The following PAPPA variants were observed in gnomAD, a reference collection of about 807,000 sequenced individuals.
The protein encoded by PAPPA is pappalysin 1.
PAPPA carries 60 observed loss-of-function variants against 164.0 expected under a neutral mutation model. The ratio of observed to expected loss-of-function variants is 0.37; its 90% CI spans 0.30 to 0.45. The LOEUF is 0.45. Ranked by LOEUF, PAPPA falls within the 20% of genes least tolerant of loss-of-function variation. PAPPA has a pLI of 1.00. For missense variants in PAPPA, 1,782 were observed against 2,087.3 expected (o/e 0.85, Z 2.85); for synonymous variants, 875 against 814.1 (o/e 1.07, Z -1.27).
chr9:116,253,103 A>G (rs1275202776), intron 7 of PAPPA, among the ~76,000 whole-genome samples: 4 of 152,132 alleles, frequency 2.6e-5, no homozygotes, highest in African/African-American at 9.7e-5. Context: ...ATGTGTGCTC[A>G]CTTTTGTAAT....
At chr9:116,383,291 G>A (rs919461077) in intron 21 of PAPPA, among the ~76,000 whole-genome samples, 2 of 152,188 alleles carry the variant, frequency 1.3e-5, no homozygotes, top group African/African-American at 2.4e-5. Context: ...TGTGATGAAT[G>A]AGTTAATGGA....
intron 4 of PAPPA, among the ~76,000 whole-genome samples, chr9:116,219,475 G>A (rs1310885884): frequency 1.3e-5 from 2 of 152,190 alleles, no homozygotes; most frequent in Non-Finnish European, 1.5e-5. Flanking sequence ...GAATGAGTTG[G>A]AACCAGTGAG....
intron 2 of PAPPA, among the ~76,000 whole-genome samples, chr9:116,192,172 C>G (rs1191316120): frequency 2.0e-5 from 3 of 152,114 alleles, no homozygotes; most frequent in African/African-American, 7.2e-5. Context: ...AACAAAGGAA[C>G]CTGTTGATGC....
At chr9:116,241,811 C>A (rs575908870) in intron 7 of PAPPA, among the ~76,000 whole-genome samples, 69 of 152,296 alleles carry the variant, frequency 4.5e-4, no homozygotes, top group African/African-American at 1.6e-3. Context: ...GGTGAAGGCA[C>A]AGGTGGCTCT....
intron 1 of PAPPA, among the ~76,000 whole-genome samples, chr9:116,157,934 A>G (rs1186162859): frequency 1.3e-5 from 2 of 152,156 alleles, no homozygotes; most frequent in African/African-American, 4.8e-5. Flanking sequence ...AAGGAAAACA[A>G]AAGACTCAAT....
At chr9:116,348,969 A>C (rs879855017) in intron 15 of PAPPA, among the ~76,000 whole-genome samples, 2 of 152,190 alleles carry the variant, frequency 1.3e-5, no homozygotes, top group Admixed American at 6.5e-5. Context: ...AATTTTAAAC[A>C]GGCAATAAAT....
At chr9:116,164,859 T>C in intron 1 of PAPPA, among the ~76,000 whole-genome samples, 1 of 152,130 alleles carries the variant, frequency 6.6e-6, no homozygotes, top group South Asian at 2.1e-4. Flanking sequence ...ACATAAAACA[T>C]TGATAAATGT....
chr9:116,396,397 G>C, intron 21 of PAPPA, 112 bp from the exon 22 acceptor site: 1 of 730,960 alleles, frequency 1.4e-6, no homozygotes, highest in South Asian at 1.5e-5. Context: ...GCCATAACTT[G>C]AACTTGAACC....
intron 5 of PAPPA, among the ~76,000 whole-genome samples, chr9:116,224,824 AC>A (rs1490765695): frequency 6.6e-6 from 1 of 152,124 alleles, no homozygotes; most frequent in Non-Finnish European, 1.5e-5. Flanking sequence ...TTTTCATGAA[AC>A]CCAAGTAAGA....
intron 8 of PAPPA, among the ~76,000 whole-genome samples, chr9:116,269,235 A>G (rs1845110189): frequency 6.6e-6 from 1 of 152,220 alleles, no homozygotes; most frequent in African/African-American, 2.4e-5. Flanking sequence ...CAATGAATAC[A>G]CAAAGAGATT....
chr9:116,278,202 A>C (rs1045428093), intron 9 of PAPPA, among the ~76,000 whole-genome samples: 2 of 152,218 alleles, frequency 1.3e-5, no homozygotes, highest in Admixed American at 6.5e-5. Flanking sequence ...TTTTCTGCTA[A>C]GAACTCTTTG....
At chr9:116,290,298 GT>G (rs1043865091) in intron 9 of PAPPA, among the ~76,000 whole-genome samples, 3 of 151,054 alleles carry the variant, frequency 2.0e-5, no homozygotes, top group Admixed American at 6.6e-5. Context: ...TTCTATGCAT[GT>G]TTTTCAGAAT....
At chr9:116,239,782 G>A (rs1844714687) in intron 7 of PAPPA, among the ~76,000 whole-genome samples, 1 of 152,038 alleles carries the variant, frequency 6.6e-6, no homozygotes, top group Admixed American at 6.6e-5. Flanking sequence ...CTACAATAAT[G>A]TAAAGGCAGA....
At chr9:116,206,788 GGGA>G (rs1411151459) in intron 2 of PAPPA, among the ~76,000 whole-genome samples, 1 of 152,132 alleles carries the variant, frequency 6.6e-6, no homozygotes, top group Non-Finnish European at 1.5e-5. Flanking sequence ...TCCTGGAGGA[GGGA>G]TACCAGAACA....
chr9:116,191,904 T>C (rs377387173), intron 2 of PAPPA, among the ~76,000 whole-genome samples: 5 of 152,204 alleles, frequency 3.3e-5, no homozygotes, highest in African/African-American at 1.2e-4. Context: ...TGCTATACTC[T>C]AGGGCGGGCA....
chr9:116,227,074 G>A (rs1406569899), intron 5 of PAPPA, among the ~76,000 whole-genome samples: 2 of 152,214 alleles, frequency 1.3e-5, no homozygotes, highest in Non-Finnish European at 2.9e-5. Flanking sequence ...ACGAAATGGA[G>A]CAAGAGATTT....
intron 10 of PAPPA, among the ~76,000 whole-genome samples, chr9:116,304,594 G>A (rs1277271792): frequency 6.6e-6 from 1 of 152,162 alleles, no homozygotes; most frequent in Non-Finnish European, 1.5e-5. Flanking sequence ...ATGTTATTGC[G>A]ACTAATGTGA....
intron 9 of PAPPA, among the ~76,000 whole-genome samples, chr9:116,283,395 G>T (rs1362346606): frequency 1.3e-5 from 2 of 152,132 alleles, no homozygotes; most frequent in African/African-American, 4.8e-5. Context: ...CCACTATAAA[G>T]ATCCAGACAG....
intron 10 of PAPPA, among the ~76,000 whole-genome samples, chr9:116,313,844 G>A (rs1845753151): frequency 6.6e-6 from 1 of 152,164 alleles, no homozygotes; most frequent in South Asian, 2.1e-4. Context: ...GACAGAGCAG[G>A]TCTAGAGTAC....
Sources: allele counts gnomAD v4.1 joint callset (sites outside exome capture counted in the v4.1 genomes callset), GRCh38; gene constraint gnomAD v4.1.1; transcripts MANE v1.5; gene names NCBI Gene and HGNC (gene_info 2026-07-23, HGNC 2026-07-21).